The following SPAG16 variants were observed in gnomAD, a reference collection of about 807,000 sequenced individuals.
SPAG16 encodes the protein sperm associated antigen 16.
Under a neutral mutation model 80.4 loss-of-function variants are expected in SPAG16, and 86 were observed. That is an observed-to-expected ratio of 1.07 (90% CI 0.90 to 1.28). SPAG16 has a LOEUF of 1.28. Among genes scored for constraint, SPAG16 ranks in the 50% most tolerant of loss-of-function variants. The pLI is 0.00. For synonymous variants in SPAG16, 294 were observed against 265.9 expected (o/e 1.11, Z -1.03); for missense variants, 870 against 765.3 (o/e 1.14, Z -1.61).
chr2:214,335,332 G>T (rs118136691), intron 15 of SPAG16, among the ~76,000 whole-genome samples: 1 of 152,056 alleles, frequency 6.6e-6, no homozygotes, highest in Non-Finnish European at 1.5e-5. Flanking sequence ...TCTCTGTGAC[G>T]CCCCGCAGCA....
rs141638549 is a variant in SPAG16, at chr2:213,936,296, A to G, written c.1400+6151A>G. On this transcript the variant is annotated intron_variant, in intron 12 of 15. Coordinates refer to ENST00000331683, the MANE Select transcript of SPAG16 (RefSeq NM_024532.5). ...AAGGTAGTTAAATGAGTATGTACAT[A>G]TAATAGAGGGCCTTATAACCCCTGT... 9.1e-4 allele frequency among the ~76,000 whole-genome samples: 139 copies of G among 152,310 alleles called. 1 individual carries two copies. The highest frequency in any genetic ancestry group is 1.5e-3 in the Admixed American group (23 of 15,294).
At chr2:213,446,924 A>G (rs959090617) in intron 9 of SPAG16, among the ~76,000 whole-genome samples, 3 of 152,186 alleles carry the variant, frequency 2.0e-5, no homozygotes, top group African/African-American at 7.2e-5. Context: ...GAATGGGGAC[A>G]TTTGGTCTCC....
intron 11 of SPAG16, among the ~76,000 whole-genome samples, chr2:213,894,135 A>G (rs2076898393): frequency 1.3e-5 from 2 of 152,288 alleles, no homozygotes; most frequent in Admixed American, 1.3e-4. Flanking sequence ...AAAGGCTATA[A>G]AGGAGGCCAA....
intron 13 of SPAG16, among the ~76,000 whole-genome samples, chr2:214,029,134 A>G (rs1366214405): frequency 6.6e-6 from 1 of 152,036 alleles, no homozygotes; most frequent in Non-Finnish European, 1.5e-5. Flanking sequence ...ATACAGCTAG[A>G]ACCAAGGTCT....
At chr2:213,588,660 G>A (rs1364297942) in intron 10 of SPAG16, among the ~76,000 whole-genome samples, 8 of 150,812 alleles carry the variant, frequency 5.3e-5, no homozygotes, top group African/African-American at 1.9e-4. Flanking sequence ...AAATCAGCCG[G>A]GCGCGGTGGC....
At chr2:213,418,989 G>A (rs756943950) in intron 9 of SPAG16, among the ~76,000 whole-genome samples, 1 of 138,220 alleles carries the variant, frequency 7.2e-6, no homozygotes, top group African/African-American at 2.5e-5. Context: ...TTTCTCCCAA[G>A]GTCTAAAAGC....
chr2:213,592,669 A>G (rs2060741971), intron 10 of SPAG16, among the ~76,000 whole-genome samples: 1 of 152,188 alleles, frequency 6.6e-6, no homozygotes, highest in African/African-American at 2.4e-5. Context: ...CTTCATTTGA[A>G]GATAAGAGCT....
At chr2:214,185,073 T>G (rs979803196) in intron 15 of SPAG16, among the ~76,000 whole-genome samples, 20 of 152,062 alleles carry the variant, frequency 1.3e-4, no homozygotes, top group Admixed American at 1.1e-3. Context: ...CATGCATAGC[T>G]TATTGACAAA....
At chr2:214,187,669 C>T (rs1426727807) in intron 15 of SPAG16, among the ~76,000 whole-genome samples, 2 of 99,546 alleles carry the variant, frequency 2.0e-5, no homozygotes, top group Admixed American at 1.1e-4. Context: ...GTCATGTAAA[C>T]AATAATGTCT....
chr2:213,643,338 G>A (rs1412938784), intron 10 of SPAG16, among the ~76,000 whole-genome samples: 1 of 92,988 alleles, frequency 1.1e-5, no homozygotes, highest in Non-Finnish European at 2.1e-5. Flanking sequence ...AGATGTATTG[G>A]ATCTTAATTT....
At chr2:214,364,194 T>C (rs1311766688) in intron 15 of SPAG16, among the ~76,000 whole-genome samples, 1 of 152,230 alleles carries the variant, frequency 6.6e-6, no homozygotes, top group East Asian at 1.9e-4. Flanking sequence ...TCCTCTACTC[T>C]ACTATAGTAT....
At chr2:213,362,968 A>C (rs2066070786) in intron 7 of SPAG16, among the ~76,000 whole-genome samples, 1 of 152,150 alleles carries the variant, frequency 6.6e-6, no homozygotes, top group Non-Finnish European at 1.5e-5. Flanking sequence ...AAATATCCAA[A>C]CTATATCAGT....
chr2:213,548,180 A>G (rs1009460279), intron 10 of SPAG16, among the ~76,000 whole-genome samples: 2 of 152,070 alleles, frequency 1.3e-5, no homozygotes, highest in African/African-American at 4.8e-5. Flanking sequence ...ATTATTTTAT[A>G]TTACCCCCAC....
chr2:213,990,284 A>G (rs887321789), intron 12 of SPAG16, among the ~76,000 whole-genome samples: 4 of 152,142 alleles, frequency 2.6e-5, no homozygotes, highest in African/African-American at 7.2e-5. Context: ...CTAGAGTTGT[A>G]TTATTGTGGA....
intron 9 of SPAG16, among the ~76,000 whole-genome samples, chr2:213,479,354 A>G (rs1267308352): frequency 6.6e-6 from 1 of 151,096 alleles, no homozygotes; most frequent in East Asian, 1.9e-4. Flanking sequence ...TTTTCTTTCT[A>G]CTGCATTTTT....
chr2:213,837,371 T>A (rs2125742922), intron 10 of SPAG16, among the ~76,000 whole-genome samples: 1 of 152,328 alleles, frequency 6.6e-6, no homozygotes, highest in African/African-American at 2.4e-5. Flanking sequence ...CCTGACAACC[T>A]CTATGCTCTT....
intron 11 of SPAG16, among the ~76,000 whole-genome samples, chr2:213,904,866 G>A (rs2077373504): frequency 6.6e-6 from 1 of 152,056 alleles, no homozygotes; most frequent in Non-Finnish European, 1.5e-5. Context: ...TAGGCAGATT[G>A]GGCAGTGCTT....
chr2:214,310,169 T>C (rs535228687), intron 15 of SPAG16, among the ~76,000 whole-genome samples: 22 of 151,844 alleles, frequency 1.4e-4, no homozygotes, highest in Admixed American at 2.6e-4. Flanking sequence ...TTCTTTCTTT[T>C]TTTTTTTTTG....
intron 10 of SPAG16, among the ~76,000 whole-genome samples, chr2:213,578,259 C>A (rs1023724094): frequency 6.6e-6 from 1 of 151,930 alleles, no homozygotes; most frequent in African/African-American, 2.4e-5. Flanking sequence ...GATATAATTT[C>A]AATATTGATG....
Sources: allele counts gnomAD v4.1 joint callset (sites outside exome capture counted in the v4.1 genomes callset), GRCh38; gene constraint gnomAD v4.1.1; transcripts MANE v1.5; gene names NCBI Gene and HGNC (gene_info 2026-07-23, HGNC 2026-07-21).